Variants in GDA observed in about 807,000 individuals in gnomAD.
GDA encodes guanine deaminase, also known as cytoplasmic PSD-95 interactor.
A neutral mutation model predicts 59.6 loss-of-function variants in GDA; 18 were observed. The ratio of observed to expected loss-of-function variants is 0.30; its 90% CI spans 0.21 to 0.45. GDA has a LOEUF of 0.45. Ranked by LOEUF, GDA falls within the 20% of genes least tolerant of loss-of-function variation. GDA has a pLI of 1.00. For synonymous variants in GDA, 201 were observed against 201.1 expected (o/e 1.00, Z 0.00); for missense variants, 427 against 552.3 (o/e 0.77, Z 2.27).
rs1838550098 is a variant in GDA, at chr9:72,233,145, TAGA to T, written c.988+1968_988+1970del. On this transcript the variant is annotated intron_variant, in intron 10 of 13. Transcript: ENST00000358399. The stretch of plus-strand genomic sequence containing the variant: ...AATTTACCCTTCAATTTGTAAACTT[TAGA>T]AGATTATTATACCTCATACTATGAA... 2.0e-5 allele frequency among the ~76,000 whole-genome samples: 3 copies of T among 152,222 alleles called. No homozygotes were observed. In the South Asian group the frequency reaches 6.2e-4, roughly 31 times the overall value.
chr9:72,221,864 C>A (rs1836923628), intron 6 of GDA, among the ~76,000 whole-genome samples: 1 of 152,208 alleles, frequency 6.6e-6, no homozygotes, highest in Admixed American at 6.5e-5. Context: ...TCAGCTTCAT[C>A]CATGTCCCTG....
intron 1 of GDA, chr9:72,194,296 A>C (rs944692770): frequency 6.6e-6 from 1 of 152,130 alleles, no homozygotes; most frequent in Non-Finnish European, 1.5e-5. Context: ...CTGGTTATTC[A>C]GGGCCCAAGG....
At chr9:72,115,039 A>G (rs1352138382) in intron 1 of GDA, among the ~76,000 whole-genome samples, 2 of 152,208 alleles carry the variant, frequency 1.3e-5, no homozygotes, top group Non-Finnish European at 2.9e-5. Context: ...TTGAGCAAGT[A>G]GGAGTTTGTG....
At chr9:72,181,437 G>C (rs1157071661) in intron 1 of GDA, among the ~76,000 whole-genome samples, 1 of 152,046 alleles carries the variant, frequency 6.6e-6, no homozygotes, top group Admixed American at 6.5e-5. Context: ...GCAATTCTCT[G>C]CCTCAGCCTC....
intron 1 of GDA, among the ~76,000 whole-genome samples, chr9:72,160,443 T>G (rs1828477135): frequency 6.6e-6 from 1 of 152,214 alleles, no homozygotes; most frequent in African/African-American, 2.4e-5. Context: ...TCTATCCACT[T>G]GCCTATTCTG....
At chr9:72,157,030 CTTTTTTTTTTT>C (rs544126638) in intron 1 of GDA, among the ~76,000 whole-genome samples, 2 of 104,074 alleles carry the variant, frequency 1.9e-5, no homozygotes, top group African/African-American at 4.6e-5. Context: ...TCTAGACTTC[CTTTTTTTTTTT>C]TTTTTTTTTT....
intron 1 of GDA, among the ~76,000 whole-genome samples, chr9:72,156,032 G>C (rs1291861798): frequency 6.6e-6 from 1 of 152,230 alleles, no homozygotes; most frequent in Non-Finnish European, 1.5e-5. Flanking sequence ...CAGTAATGCA[G>C]ATGGAGAGGT....
At chr9:72,146,438 T>A (rs530625932), upstream of GDA, among the ~76,000 whole-genome samples, 3 of 152,132 alleles carry the variant, frequency 2.0e-5, no homozygotes, top group South Asian at 6.2e-4. Flanking sequence ...AGGAGAATAT[T>A]TCCCTGGGGA....
intron 1 of GDA, among the ~76,000 whole-genome samples, chr9:72,130,445 A>G (rs1445324174): frequency 1.3e-5 from 2 of 152,228 alleles, no homozygotes; most frequent in African/African-American, 4.8e-5. Context: ...TAAGAACATT[A>G]CATAAGAAGC....
intron 3 of GDA, among the ~76,000 whole-genome samples, chr9:72,209,612 C>T (rs984936382): frequency 2.0e-5 from 3 of 151,954 alleles, no homozygotes; most frequent in Admixed American, 2.0e-4. Context: ...TCTCCCCCTC[C>T]TTATCTTTTT....
At chr9:72,119,849 C>T (rs573934469) in intron 1 of GDA, among the ~76,000 whole-genome samples, 10 of 152,150 alleles carry the variant, frequency 6.6e-5, no homozygotes, top group Admixed American at 3.9e-4. Flanking sequence ...TATGAGAGAC[C>T]ATGGGATGTT....
At chr9:72,187,754 GA>G (rs1832036799) in intron 1 of GDA, among the ~76,000 whole-genome samples, 1 of 152,220 alleles carries the variant, frequency 6.6e-6, no homozygotes, top group South Asian at 2.1e-4. Context: ...GAAGACTGGG[GA>G]AAGTTTTGAA....
chr9:72,149,278 TAACAC>T (rs1398070299), upstream of GDA: 12 of 464,980 alleles, frequency 2.6e-5, no homozygotes, highest in South Asian at 2.0e-4. Context: ...CTCAAAGAGT[TAACAC>T]AACCAAAACT....
At chr9:72,218,781 T>C (rs1314646978) in intron 5 of GDA, among the ~76,000 whole-genome samples, 1 of 152,236 alleles carries the variant, frequency 6.6e-6, no homozygotes, top group Non-Finnish European at 1.5e-5. Context: ...AAGAGCTTCA[T>C]GGCTTCTAAA....
intron 1 of GDA, among the ~76,000 whole-genome samples, chr9:72,188,164 A>C (rs540672524): frequency 6.6e-6 from 1 of 152,368 alleles, no homozygotes; most frequent in Admixed American, 6.5e-5. Flanking sequence ...ACAAAAAAGC[A>C]TTCTAGTGTG....
At chr9:72,145,682 T>C (rs1826601590), upstream of GDA, among the ~76,000 whole-genome samples, 2 of 152,208 alleles carry the variant, frequency 1.3e-5, no homozygotes, top group African/African-American at 4.8e-5. Flanking sequence ...AGTTGGGGAA[T>C]TTGGGGGCTA....
chr9:72,254,196 T>G (rs900944430), downstream of GDA, among the ~76,000 whole-genome samples: 1 of 152,226 alleles, frequency 6.6e-6, no homozygotes, highest in Non-Finnish European at 1.5e-5. Flanking sequence ...TTTTTTAAAC[T>G]AATTCAGACT....
At chr9:72,133,204 C>T (rs1469514143) in intron 1 of GDA, among the ~76,000 whole-genome samples, 4 of 147,636 alleles carry the variant, frequency 2.7e-5, no homozygotes, top group Non-Finnish European at 5.9e-5. Flanking sequence ...GCAGGGGAAT[C>T]GCTTGAATCC....
At chr9:72,118,669 A>G (rs750361707) in intron 1 of GDA, among the ~76,000 whole-genome samples, 26 of 152,214 alleles carry the variant, frequency 1.7e-4, no homozygotes, top group Non-Finnish European at 2.6e-4. Context: ...TTCATCAGTA[A>G]TCACAGAAAT....
Sources: gnomAD v4.1 joint callset for allele counts (sites outside exome capture counted in the v4.1 genomes callset) on GRCh38, gnomAD v4.1.1 for gene constraint, MANE v1.5 for transcripts, NCBI Gene and HGNC (gene_info 2026-07-23, HGNC 2026-07-21) for gene names.